PCDH15: variants seen among roughly 807,000 people sequenced by gnomAD.
PCDH15 encodes protocadherin-15.
A neutral mutation model predicts 178.5 loss-of-function variants in PCDH15; 129 were observed. That is an observed-to-expected ratio of 0.72 (90% CI 0.63 to 0.84). The LOEUF is 0.84. Among genes scored for constraint, PCDH15 ranks in the 40% least tolerant of loss-of-function variants. The pLI is 0.00. For synonymous variants in PCDH15, 800 were observed against 732.0 expected (o/e 1.09, Z -1.50); for missense variants, 2,230 against 2,099.9 (o/e 1.06, Z -1.21).
At chr10:54,238,691 A>T (rs1363041816) in intron 8 of PCDH15, among the ~76,000 whole-genome samples, 29 of 150,792 alleles carry the variant, frequency 1.9e-4, no homozygotes, top group African/African-American at 4.9e-4. Flanking sequence ...ACACACACAC[A>T]CACACACACA....
At position 54,222,671 on chromosome 10, in the gene PCDH15, T is replaced by C. The variant is rs2052974723; in HGVS notation, c.986-8623A>G. 2.6e-5 allele frequency among the ~76,000 whole-genome samples: 4 copies of C among 152,348 alleles called. No individual in the cohort carries two copies. In the South Asian group the frequency reaches 8.3e-4, roughly 32 times the overall value. On this transcript the variant is annotated intron_variant, in intron 9 of 37. Transcript: ENST00000644397. ...TTGATATTGTCAGTCATTTAAATTTTGGCCATTCTGGTGTGTATGTAGTGA... is the reference window on the plus strand; with the variant it reads ...TTGATATTGTCAGTCATTTAAATTTCGGCCATTCTGGTGTGTATGTAGTGA...
chr10:54,208,103 T>C (rs995084267), intron 10 of PCDH15, among the ~76,000 whole-genome samples: 6 of 152,008 alleles, frequency 3.9e-5, no homozygotes, highest in Admixed American at 2.0e-4. Flanking sequence ...AACACAAAAT[T>C]AAAATACGAA....
At chr10:54,038,615 G>T (rs2093471479) in intron 18 of PCDH15, among the ~76,000 whole-genome samples, 1 of 151,866 alleles carries the variant, frequency 6.6e-6, no homozygotes, top group African/African-American at 2.4e-5. Context: ...GTGACTATGG[G>T]CAAGGGAACC....
At chr10:55,033,767 T>A (rs1291675610) in intron 2 of PCDH15, among the ~76,000 whole-genome samples, 1 of 152,136 alleles carries the variant, frequency 6.6e-6, no homozygotes, top group African/African-American at 2.4e-5. Context: ...GAGAAAATCA[T>A]GAATGTGAGG....
chr10:53,917,607 C>A (rs1359855786), intron 25 of PCDH15, among the ~76,000 whole-genome samples: 1 of 152,150 alleles, frequency 6.6e-6, no homozygotes, highest in Non-Finnish European at 1.5e-5. Flanking sequence ...AACACAGACA[C>A]ACACACAACA....
chr10:55,156,850 G>T (rs1838903963), intron 2 of PCDH15, among the ~76,000 whole-genome samples: 1 of 152,118 alleles, frequency 6.6e-6, no homozygotes, highest in Non-Finnish European at 1.5e-5. Context: ...TGTTGAAAGT[G>T]TTATGCATAT....
At chr10:54,469,320 C>T (rs931163157) in intron 3 of PCDH15, among the ~76,000 whole-genome samples, 3 of 152,156 alleles carry the variant, frequency 2.0e-5, no homozygotes, top group Admixed American at 6.5e-5. Flanking sequence ...TGGTTTTGAA[C>T]TCCTGACCTC....
At chr10:55,127,104 T>G (rs1837921212) in intron 2 of PCDH15, among the ~76,000 whole-genome samples, 1 of 152,148 alleles carries the variant, frequency 6.6e-6, no homozygotes, top group South Asian at 2.1e-4. Flanking sequence ...ACTGACAATC[T>G]CACTACTCAT....
chr10:55,261,382 A>G (rs975497310), intron 1 of PCDH15, among the ~76,000 whole-genome samples: 4 of 152,202 alleles, frequency 2.6e-5, no homozygotes, highest in East Asian at 1.9e-4. Flanking sequence ...GGGCACAGCC[A>G]TCATGTGTGG....
intron 27 of PCDH15, among the ~76,000 whole-genome samples, chr10:53,864,803 TAATAAATA>T (rs575742144): frequency 6.6e-6 from 1 of 151,680 alleles, no homozygotes; most frequent in East Asian, 1.9e-4. Context: ...AATAATAAAA[TAATAAATA>T]AATAAATAAA....
At chr10:54,557,915 A>G (rs1032183126) in intron 2 of PCDH15, among the ~76,000 whole-genome samples, 1 of 152,140 alleles carries the variant, frequency 6.6e-6, no homozygotes, top group Non-Finnish European at 1.5e-5. Flanking sequence ...AATGTAAAAT[A>G]CTTCTGTTAG....
At chr10:55,477,692 A>C (rs1840090430) in intron 2 of PCDH15, among the ~76,000 whole-genome samples, 1 of 151,900 alleles carries the variant, frequency 6.6e-6, no homozygotes, top group South Asian at 2.1e-4. Flanking sequence ...ATTAGAATGT[A>C]ATAGCTATGA....
chr10:54,492,104 AC>A (rs1589692113), intron 3 of PCDH15, among the ~76,000 whole-genome samples: 1 of 152,310 alleles, frequency 6.6e-6, no homozygotes, highest in East Asian at 1.9e-4. Flanking sequence ...AAAATTGTAA[AC>A]CTTAAGTGTA....
intron 3 of PCDH15, among the ~76,000 whole-genome samples, chr10:54,811,355 A>C (rs1198485280): frequency 6.6e-6 from 1 of 152,150 alleles, no homozygotes; most frequent in East Asian, 1.9e-4. Flanking sequence ...TTTCATGAAA[A>C]ATTCTAGTTT....
intron 3 of PCDH15, among the ~76,000 whole-genome samples, chr10:54,473,839 T>G (rs1181013387): frequency 6.6e-6 from 1 of 151,826 alleles, no homozygotes; most frequent in Non-Finnish European, 1.5e-5. Flanking sequence ...TTCTAATAAT[T>G]TTTCTATATA....
intron 10 of PCDH15, among the ~76,000 whole-genome samples, chr10:54,206,889 C>T (rs1244195186): frequency 6.6e-6 from 1 of 152,038 alleles, no homozygotes; most frequent in East Asian, 1.9e-4. Flanking sequence ...GTGGGGATTG[C>T]AGAGTGGGGA....
intron 3 of PCDH15, among the ~76,000 whole-genome samples, chr10:54,515,532 C>A (rs2082122996): frequency 6.6e-6 from 1 of 152,238 alleles, no homozygotes; most frequent in African/African-American, 2.4e-5. Context: ...CCTGCGGCCT[C>A]TGTAGGCTCC....
chr10:54,825,242 A>G (rs1953108064), intron 3 of PCDH15, among the ~76,000 whole-genome samples: 1 of 149,338 alleles, frequency 6.7e-6, no homozygotes, highest in African/African-American at 2.5e-5. Flanking sequence ...CATGGTGTAT[A>G]TGTGCCACAG....
At chr10:54,617,771 A>G (rs1358187541) in intron 2 of PCDH15, among the ~76,000 whole-genome samples, 1 of 106,714 alleles carries the variant, frequency 9.4e-6, no homozygotes, top group Non-Finnish European at 2.2e-5. Flanking sequence ...AAAAAAAAAA[A>G]AAAAATTAGT....
Sources: allele counts gnomAD v4.1 joint callset (sites outside exome capture counted in the v4.1 genomes callset), GRCh38; gene constraint gnomAD v4.1.1; transcripts MANE v1.5; gene names NCBI Gene and HGNC (gene_info 2026-07-23, HGNC 2026-07-21).